Variants in PLCB1 observed in about 807,000 individuals in gnomAD.
PLCB1 encodes phospholipase C beta 1.
Under a neutral mutation model 161.8 loss-of-function variants are expected in PLCB1, and 46 were observed. That is an observed-to-expected ratio of 0.28 (90% CI 0.22 to 0.36). The LOEUF (loss-of-function observed/expected upper bound fraction) is 0.36, where lower values mean the gene tolerates loss of function less well. Among genes scored for constraint, PLCB1 ranks in the 10% least tolerant of loss-of-function variants. The probability of loss-of-function intolerance (pLI) is 1.00; values close to 1 mark genes in which losing one functional copy is unlikely to be tolerated. For missense variants in PLCB1, 1,016 were observed against 1,472.5 expected, an observed-to-expected ratio of 0.69 and a Z score of 5.07; for synonymous variants, 517 against 503.7, an observed-to-expected ratio of 1.03 and a Z score of -0.35.
At position 8,140,955 on chromosome 20, in the gene PLCB1, C is replaced by G. The variant is rs185892317; in HGVS notation, c.99+8205C>G. On this transcript the variant is annotated intron_variant, in intron 1 of 31. Coordinates refer to ENST00000338037, the MANE Select transcript of PLCB1 (RefSeq NM_015192.4). ...CTGAGATTACAGGCTTGTGCCACCACGCACAGCTAATTTTGTAGTTTTAGT... is the reference window on the plus strand; with the variant it reads ...CTGAGATTACAGGCTTGTGCCACCAGGCACAGCTAATTTTGTAGTTTTAGT... Among the ~76,000 whole-genome samples, 1,479 of 152,108 alleles carry G rather than the reference C, an allele frequency of 9.7e-3. 22 individuals carry two copies. The highest frequency in any genetic ancestry group is 0.031 in the African/African-American group (1,295 of 41,490).
chr20:8,206,486 C>A (rs1004029345), intron 2 of PLCB1, among the ~76,000 whole-genome samples: 1 of 151,970 alleles, frequency 6.6e-6, no homozygotes, highest in African/African-American at 2.4e-5. Flanking sequence ...AGGAAATATG[C>A]CCTCACTCTG....
At chr20:8,567,672 G>A (rs1986380091) in intron 3 of PLCB1, among the ~76,000 whole-genome samples, 1 of 151,998 alleles carries the variant, frequency 6.6e-6, no homozygotes, top group African/African-American at 2.4e-5. Context: ...GATCAGTAGT[G>A]GGATGGTGCC....
chr20:8,437,864 T>C (rs753917530), intron 3 of PLCB1, among the ~76,000 whole-genome samples: 2 of 152,160 alleles, frequency 1.3e-5, no homozygotes, highest in Non-Finnish European at 2.9e-5. Flanking sequence ...GTAGGCCACA[T>C]ACATATCACT....
chr20:8,386,113 A>C (rs1050570471), intron 3 of PLCB1, among the ~76,000 whole-genome samples: 16 of 152,214 alleles, frequency 1.1e-4, no homozygotes, highest in African/African-American at 3.9e-4. Context: ...GATTGGAATC[A>C]GCTTCTTCCA....
At position 8,495,413 on chromosome 20, in the gene PLCB1, T is replaced by A. The variant is rs1482144901; in HGVS notation, c.246+123963T>A. On this transcript the variant is annotated intron_variant, in intron 3 of 31. Coordinates refer to ENST00000338037, the MANE Select transcript of PLCB1 (RefSeq NM_015192.4). The stretch of plus-strand genomic sequence containing the variant: ...CTTTTTTTTTTTTTTTTTTTTTTTT[T>A]TTGAGACGGAGTCTCGCTGTGTCGC... Among the ~76,000 whole-genome samples, 10 of 92,206 alleles carry A rather than the reference T, an allele frequency of 1.1e-4. No homozygotes were observed. In the East Asian group the frequency reaches 3.1e-3, roughly 28 times the overall value. 60.5% of individuals were successfully genotyped at this position (92,206 alleles called of 152,430 possible).
chr20:8,354,645 C>T (rs746919273), intron 2 of PLCB1, among the ~76,000 whole-genome samples: 16 of 152,156 alleles, frequency 1.1e-4, no homozygotes, highest in Non-Finnish European at 2.1e-4. Flanking sequence ...ACTTTGGCCC[C>T]GAATACTGGC....
At chr20:8,478,965 T>C (rs997029931) in intron 3 of PLCB1, among the ~76,000 whole-genome samples, 2 of 152,224 alleles carry the variant, frequency 1.3e-5, no homozygotes, top group African/African-American at 4.8e-5. Context: ...GTCTGGCTGT[T>C]AAGCCTAATT....
chr20:8,453,193 C>G (rs766306672), intron 3 of PLCB1, among the ~76,000 whole-genome samples: 1 of 152,228 alleles, frequency 6.6e-6, no homozygotes, highest in Non-Finnish European at 1.5e-5. Flanking sequence ...AAGAGGCCCC[C>G]GGCCATGAGT....
chr20:8,563,329 T>C (rs572924605), intron 3 of PLCB1, among the ~76,000 whole-genome samples: 28 of 152,138 alleles, frequency 1.8e-4, no homozygotes, highest in African/African-American at 6.5e-4. Context: ...AAAAAAAATT[T>C]AGTTCCCATC....
At chr20:8,174,237 A>G (rs76845291) in intron 2 of PLCB1, among the ~76,000 whole-genome samples, 2,223 of 152,304 alleles carry the variant, frequency 0.015, 60 homozygotes, top group African/African-American at 0.051. Flanking sequence ...TCTTCAAAGC[A>G]GACTAAGAGA....
At chr20:8,140,376 A>G (rs1212474160) in intron 1 of PLCB1, among the ~76,000 whole-genome samples, 1 of 152,202 alleles carries the variant, frequency 6.6e-6, no homozygotes, top group East Asian at 1.9e-4. Flanking sequence ...TTGCGGTTCT[A>G]GGATTTCACA....
intron 3 of PLCB1, among the ~76,000 whole-genome samples, chr20:8,495,969 T>C (rs1321581172): frequency 6.6e-6 from 1 of 152,178 alleles, no homozygotes; most frequent in African/African-American, 2.4e-5. Context: ...GACATGATCT[T>C]CTACATTAGG....
intron 3 of PLCB1, among the ~76,000 whole-genome samples, chr20:8,403,159 T>C (rs962863648): frequency 5.3e-5 from 8 of 152,028 alleles, no homozygotes; most frequent in African/African-American, 1.9e-4. Flanking sequence ...CCAAATGATA[T>C]AAAAAAAGAA....
intron 7 of PLCB1, among the ~76,000 whole-genome samples, chr20:8,654,609 G>T (rs909718766): frequency 3.3e-5 from 5 of 152,058 alleles, no homozygotes; most frequent in Non-Finnish European, 7.4e-5. Flanking sequence ...GATAGATAAA[G>T]GGAGACTGTG....
intron 4 of PLCB1, among the ~76,000 whole-genome samples, chr20:8,631,048 A>G (rs1014562087): frequency 5.9e-5 from 9 of 152,204 alleles, no homozygotes; most frequent in African/African-American, 2.2e-4. Flanking sequence ...GATGTTCTAT[A>G]GAGTATTTTC....
chr20:8,343,075 G>A (rs533114817), intron 2 of PLCB1, among the ~76,000 whole-genome samples: 1 of 152,258 alleles, frequency 6.6e-6, no homozygotes, highest in Non-Finnish European at 1.5e-5. Flanking sequence ...CATTCCCACA[G>A]CGACTCTCCC....
intron 2 of PLCB1, among the ~76,000 whole-genome samples, chr20:8,258,786 G>T (rs1336607568): frequency 2.0e-5 from 3 of 150,900 alleles, no homozygotes; most frequent in Non-Finnish European, 3.0e-5. Flanking sequence ...AGCCATGTGG[G>T]TTTTTTTTTC....
At chr20:8,765,496 G>T (rs1982272562) in intron 26 of PLCB1, 138 bp downstream of exon 26, 2 of 641,646 alleles carry the variant, frequency 3.1e-6, no homozygotes, top group South Asian at 2.2e-5. Context: ...TAGCTTTTGT[G>T]GCACCTTAGC....
intron 27 of PLCB1, among the ~76,000 whole-genome samples, chr20:8,780,863 C>A (rs1344578642): frequency 6.6e-6 from 1 of 152,128 alleles, no homozygotes; most frequent in African/African-American, 2.4e-5. Context: ...TATCTCTTAC[C>A]TCATGAAACT....
Sources: allele counts gnomAD v4.1 joint callset (sites outside exome capture counted in the v4.1 genomes callset), GRCh38; gene constraint gnomAD v4.1.1; transcripts MANE v1.5; gene names NCBI Gene and HGNC (gene_info 2026-07-23, HGNC 2026-07-21).